Variants in ADGRL3 observed in about 807,000 individuals in gnomAD.
The protein encoded by ADGRL3 is calcium-independent alpha-latrotoxin receptor 3.
In ADGRL3, 62 loss-of-function variants were observed where a neutral mutation model predicts 153.5. That is an observed-to-expected ratio of 0.40 (90% CI 0.33 to 0.50). The LOEUF (loss-of-function observed/expected upper bound fraction) is 0.50. ADGRL3 is among the 20% of genes least tolerant of loss of function. The probability of loss-of-function intolerance (pLI) is 0.47; values close to 1 mark genes in which losing one functional copy is unlikely to be tolerated. For missense variants in ADGRL3, 1,641 were observed against 1,859.4 expected (o/e 0.88, Z 2.16); for synonymous variants, 710 against 672.5 (o/e 1.06, Z -0.86).
intron 2 of ADGRL3, among the ~76,000 whole-genome samples, chr4:61,490,416 C>T (rs2098245737): frequency 1.3e-5 from 2 of 151,900 alleles, no homozygotes; most frequent in South Asian, 2.1e-4. Context: ...AGGAATTATG[C>T]CTTGTATATC....
intron 5 of ADGRL3, among the ~76,000 whole-genome samples, chr4:61,638,791 T>C (rs1474135384): frequency 6.6e-6 from 1 of 152,164 alleles, no homozygotes; most frequent in Non-Finnish European, 1.5e-5. Flanking sequence ...TATCCAGAAT[T>C]GGTGACGTGA....
intron 2 of ADGRL3, among the ~76,000 whole-genome samples, chr4:61,395,224 A>G (rs550023689): frequency 1.3e-5 from 2 of 152,132 alleles, no homozygotes; most frequent in South Asian, 4.1e-4. Context: ...TATCCAAGAA[A>G]AATGAATGCT....
At chr4:61,829,977 G>A (rs1422111836) in intron 9 of ADGRL3, among the ~76,000 whole-genome samples, 1 of 151,848 alleles carries the variant, frequency 6.6e-6, no homozygotes, top group African/African-American at 2.4e-5. Context: ...GATTGGCCAG[G>A]GCAACATAAC....
intron 5 of ADGRL3, among the ~76,000 whole-genome samples, chr4:61,616,476 A>C (rs2149765737): frequency 6.6e-6 from 1 of 152,330 alleles, no homozygotes; most frequent in South Asian, 2.1e-4. Context: ...GATATCATGT[A>C]GAATTTTAAG....
At chr4:61,372,653 A>T (rs536223270) in intron 1 of ADGRL3, among the ~76,000 whole-genome samples, 1 of 152,144 alleles carries the variant, frequency 6.6e-6, no homozygotes, top group Non-Finnish European at 1.5e-5. Context: ...AAGGACGTTT[A>T]AGTCTGCAGA....
chr4:61,351,074 T>G (rs771625654), intron 1 of ADGRL3, among the ~76,000 whole-genome samples: 22 of 152,122 alleles, frequency 1.4e-4, no homozygotes, highest in South Asian at 4.1e-4. Flanking sequence ...TGAAGAAAAT[T>G]AAAAGTGCTG....
At chr4:61,865,250 CATATACAAGCTACTTTA>C in intron 9 of ADGRL3, among the ~76,000 whole-genome samples, 1 of 141,472 alleles carries the variant, frequency 7.1e-6, no homozygotes, top group East Asian at 2.0e-4. Context: ...TGCCCACCCC[CATATACAAGCTACTTTA>C]AAAAAATTCT....
intron 10 of ADGRL3, among the ~76,000 whole-genome samples, chr4:61,894,257 GA>G (rs2098610246): frequency 6.6e-6 from 1 of 151,934 alleles, no homozygotes; most frequent in South Asian, 2.1e-4. Context: ...ATACTTTAAG[GA>G]AAAAAGTTTT....
At chr4:61,675,100 A>G (rs1287835993) in intron 5 of ADGRL3, among the ~76,000 whole-genome samples, 3 of 151,952 alleles carry the variant, frequency 2.0e-5, no homozygotes, top group African/African-American at 7.2e-5. Flanking sequence ...ACATTCATTA[A>G]TGAATCAAAT....
chr4:61,257,520 G>A (rs527362754), intron 1 of ADGRL3, among the ~76,000 whole-genome samples: 11 of 152,262 alleles, frequency 7.2e-5, no homozygotes, highest in African/African-American at 2.4e-4. Flanking sequence ...GACAAGATGT[G>A]TATTTAAGAA....
chr4:61,929,763 G>GTAATAGGTT (rs2098809702), intron 13 of ADGRL3, among the ~76,000 whole-genome samples: 1 of 152,160 alleles, frequency 6.6e-6, no homozygotes, highest in Non-Finnish European at 1.5e-5. Context: ...AACAAAACAG[G>GTAATAGGTT]TAATAGGTTT....
intron 1 of ADGRL3, among the ~76,000 whole-genome samples, chr4:61,370,695 AT>A: frequency 6.6e-6 from 1 of 151,902 alleles, no homozygotes; most frequent in South Asian, 2.1e-4. Flanking sequence ...GCTGAAAAAA[AT>A]GTATATTCTG....
chr4:61,645,903 C>T (rs1243534411), intron 5 of ADGRL3, among the ~76,000 whole-genome samples: 1 of 152,160 alleles, frequency 6.6e-6, no homozygotes, highest in South Asian at 2.1e-4. Context: ...TTCCATTCTC[C>T]CCATCACTTT....
chr4:61,495,856 T>C (rs1406328128), intron 2 of ADGRL3, among the ~76,000 whole-genome samples: 1 of 152,212 alleles, frequency 6.6e-6, no homozygotes, highest in East Asian at 1.9e-4. Flanking sequence ...TGTATTTTAG[T>C]GAGCATTCAA....
chr4:61,952,863 G>A (rs575371661), intron 17 of ADGRL3, among the ~76,000 whole-genome samples: 1 of 152,028 alleles, frequency 6.6e-6, no homozygotes, highest in Non-Finnish European at 1.5e-5. Flanking sequence ...CAACCTTTCC[G>A]CAATCCATTG....
intron 8 of ADGRL3, among the ~76,000 whole-genome samples, chr4:61,781,060 C>T (rs958693169): frequency 6.6e-6 from 1 of 152,144 alleles, no homozygotes; most frequent in African/African-American, 2.4e-5. Flanking sequence ...GGCATGGTGG[C>T]TCACGCCTGT....
At chr4:61,291,576 A>AT (rs2094202661) in intron 1 of ADGRL3, among the ~76,000 whole-genome samples, 1 of 18,266 alleles carries the variant, frequency 5.5e-5, no homozygotes, top group African/African-American at 1.3e-4. Flanking sequence ...ACATATATAT[A>AT]TATATACATA....
At chr4:61,339,762 G>T (rs1560493505) in intron 1 of ADGRL3, among the ~76,000 whole-genome samples, 1 of 152,098 alleles carries the variant, frequency 6.6e-6, no homozygotes, top group Non-Finnish European at 1.5e-5. Context: ...AATATAAATT[G>T]TCAAAGATGG....
At chr4:61,290,216 G>A (rs1203391619) in intron 1 of ADGRL3, among the ~76,000 whole-genome samples, 3 of 151,964 alleles carry the variant, frequency 2.0e-5, no homozygotes, top group Non-Finnish European at 4.4e-5. Flanking sequence ...CTATCCACAC[G>A]AATCAGCCAC....
Sources: allele counts gnomAD v4.1 joint callset (sites outside exome capture counted in the v4.1 genomes callset), GRCh38; gene constraint gnomAD v4.1.1; transcripts MANE v1.5; gene names NCBI Gene and HGNC (gene_info 2026-07-23, HGNC 2026-07-21).